The following GPR39 variants were observed in gnomAD, a reference collection of about 807,000 sequenced individuals.
The protein encoded by GPR39 is G protein-coupled receptor 39.
A neutral mutation model predicts 18.4 loss-of-function variants in GPR39; 23 were observed. The observed-to-expected ratio is 1.25, with a 90% CI of 0.90 to 1.77. GPR39 has a LOEUF of 1.77. GPR39 is among the 40% of genes most tolerant of loss of function. The pLI, the probability that GPR39 is intolerant of heterozygous loss-of-function variation, is 0.00. For synonymous variants in GPR39, 280 were observed against 257.9 expected, an observed-to-expected ratio of 1.09 and a Z score of -0.82; for missense variants, 647 against 602.4, an observed-to-expected ratio of 1.07 and a Z score of -0.78.
chr2:132,472,663 C>CG (rs1390189359), intron 1 of GPR39, among the ~76,000 whole-genome samples: 5 of 152,122 alleles, frequency 3.3e-5, no homozygotes, highest in African/African-American at 1.2e-4. Context: ...TGGTAGTGAC[C>CG]TGACCATGAA....
chr2:132,499,460 T>C (rs532603774), intron 1 of GPR39, among the ~76,000 whole-genome samples: 15 of 152,316 alleles, frequency 9.8e-5, no homozygotes, highest in African/African-American at 3.6e-4. Context: ...TATGGCCTTA[T>C]AGTGTGAAGT....
At chr2:132,487,635 G>A (rs1681367511) in intron 1 of GPR39, among the ~76,000 whole-genome samples, 1 of 152,078 alleles carries the variant, frequency 6.6e-6, no homozygotes, top group Admixed American at 6.5e-5. Flanking sequence ...AATTATAATA[G>A]TCAAAATTTA....
At position 132,645,765 on chromosome 2, in the gene GPR39, ACT is replaced by A. The variant is rs1374726645; in HGVS notation, c.*162_*163del. On this transcript the variant is annotated 3_prime_UTR_variant, in exon 2 of 2. Coordinates refer to ENST00000329321, the MANE Select transcript of GPR39 (RefSeq NM_001508.3). ...CCACCTCAGTGACTTCTAAGGACTG[ACT>A]CTGCCAGCCTGGCCTTGACTCCGGT... is the stretch of plus-strand genomic sequence containing the variant. 1.3e-5 allele frequency: 14 copies of A among 1,052,762 alleles called. No individual in the cohort carries two copies. The Admixed American group carries it at 1.5e-4, about 11-fold the overall frequency. The allele number at this position is 1,052,762 out of a possible 1,614,324, so 65.2% of individuals were successfully genotyped here. A position where few individuals can be genotyped will look rare whatever the true frequency, so the allele number is the denominator to read the frequency against.
At chr2:132,622,970 G>T (rs763012409) in intron 1 of GPR39, among the ~76,000 whole-genome samples, 10 of 152,130 alleles carry the variant, frequency 6.6e-5, no homozygotes, top group Non-Finnish European at 1.5e-4. Context: ...AAAGTAGCCG[G>T]GTGTGGTGGC....
chr2:132,480,619 C>G (rs536422389), intron 1 of GPR39, among the ~76,000 whole-genome samples: 1 of 152,222 alleles, frequency 6.6e-6, no homozygotes, highest in African/African-American at 2.4e-5. Flanking sequence ...CTGCAGGAAA[C>G]TCGATTGAAG....
At position 132,416,812 on chromosome 2, in the gene GPR39, C is replaced by G. The variant is rs1679908541; in HGVS notation, c.-231C>G. On this transcript the variant is annotated 5_prime_UTR_variant, in exon 1 of 2. Transcript: ENST00000329321. ...CCCCGCCTCGCCCCAGCCACATACACTCCCAAACCTCAACACCCAGGCGCC... is the reference window on the plus strand; with the variant it reads ...CCCCGCCTCGCCCCAGCCACATACAGTCCCAAACCTCAACACCCAGGCGCC... 1.6e-6 allele frequency: 1 copy of G among 607,306 alleles called. No homozygotes were observed. Among genetic ancestry groups the G allele is most frequent in the Non-Finnish European group, 2.9e-6 (1 of 344,920 alleles). The allele number at this position is 607,306 out of a possible 1,614,324, so 37.6% of individuals were successfully genotyped here.
In GPR39 at chr2:132,645,780, C is replaced by A. The variant is rs1384883759; in HGVS notation, c.*174C>A. On this transcript the variant is annotated 3_prime_UTR_variant, in exon 2 of 2. Transcript: ENST00000329321. Reference sequence around the variant, plus strand: ...CTAAGGACTGACTCTGCCAGCCTGGCCTTGACTCCGGTTACACAGACATGG... The same window carrying A: ...CTAAGGACTGACTCTGCCAGCCTGGACTTGACTCCGGTTACACAGACATGG... 15 of 920,632 alleles carry A rather than the reference C, an allele frequency of 1.6e-5. No homozygotes were observed. In the Admixed American group the frequency reaches 3.9e-4, roughly 24 times the overall value. 57.0% of individuals were successfully genotyped at this position (920,632 alleles called of 1,614,324 possible).
chr2:132,428,533 C>G (rs1203412848), intron 1 of GPR39, among the ~76,000 whole-genome samples: 2 of 152,144 alleles, frequency 1.3e-5, no homozygotes, highest in East Asian at 1.9e-4. Context: ...TTGTTAGTCT[C>G]GATATTCACA....
intron 1 of GPR39, among the ~76,000 whole-genome samples, chr2:132,525,014 T>C (rs1679484437): frequency 6.6e-6 from 1 of 152,208 alleles, no homozygotes; most frequent in South Asian, 2.1e-4. Context: ...CCTACATTTG[T>C]CTGTGTGGGA....
At position 132,645,672 on chromosome 2, in the gene GPR39, CTGCAGTCTCAAACTA is replaced by C. The variant is rs879169654; in HGVS notation, c.*70_*84del. The C allele has an allele frequency of 1.4e-5, 22 of 1,546,236 alleles. No individual in the cohort carries two copies. In the South Asian group the frequency reaches 2.1e-4, roughly 15 times the overall value. ...GCCCTAAGAAAACGTCACTCTCACT[CTGCAGTCTCAAACTA>C]TGCCCCCATCAGGGATGGAATGGAC... is the stretch of plus-strand genomic sequence containing the variant. On this transcript the variant is annotated 3_prime_UTR_variant, in exon 2 of 2. Coordinates refer to ENST00000329321, the MANE Select transcript of GPR39 (RefSeq NM_001508.3).
intron 1 of GPR39, among the ~76,000 whole-genome samples, chr2:132,509,581 A>G (rs1343471029): frequency 6.6e-6 from 1 of 152,204 alleles, no homozygotes; most frequent in Non-Finnish European, 1.5e-5. Context: ...TCCTCAAAAA[A>G]TTTTTAAAAC....
intron 1 of GPR39, among the ~76,000 whole-genome samples, chr2:132,548,392 G>T (rs1187245400): frequency 6.6e-6 from 1 of 152,142 alleles, no homozygotes; most frequent in African/African-American, 2.4e-5. Context: ...AATGCTATTT[G>T]CTCCCAGCAC....
intron 1 of GPR39, among the ~76,000 whole-genome samples, chr2:132,473,926 A>G (rs921786480): frequency 1.3e-5 from 2 of 152,318 alleles, no homozygotes; most frequent in East Asian, 3.9e-4. Flanking sequence ...CTCCACAGTC[A>G]GGGAAGAAAC....
chr2:132,574,090 T>G (rs951858816), intron 1 of GPR39, among the ~76,000 whole-genome samples: 5 of 152,272 alleles, frequency 3.3e-5, no homozygotes, highest in Non-Finnish European at 7.3e-5. Flanking sequence ...CATAAATGTC[T>G]GTATAATTCA....
At chr2:132,541,994 G>A (rs1298785110) in intron 1 of GPR39, among the ~76,000 whole-genome samples, 1 of 152,146 alleles carries the variant, frequency 6.6e-6, no homozygotes, top group Non-Finnish European at 1.5e-5. Context: ...GGTGGTGGAG[G>A]GGGCAAGGTA....
chr2:132,456,707 G>T (rs1314820026), intron 1 of GPR39, among the ~76,000 whole-genome samples: 1 of 152,154 alleles, frequency 6.6e-6, no homozygotes, highest in Non-Finnish European at 1.5e-5. Flanking sequence ...TTGCTTGTCT[G>T]TAAAGGATTT....
At chr2:132,527,453 C>T (rs1161487687) in intron 1 of GPR39, among the ~76,000 whole-genome samples, 1 of 152,190 alleles carries the variant, frequency 6.6e-6, no homozygotes, top group Non-Finnish European at 1.5e-5. Flanking sequence ...TGGGTATATA[C>T]CCAGTAATGG....
intron 1 of GPR39, among the ~76,000 whole-genome samples, chr2:132,609,661 A>G (rs183821424): frequency 8.0e-4 from 122 of 152,258 alleles, no homozygotes; most frequent in African/African-American, 2.8e-3. Context: ...ATCCTTCCTC[A>G]TACTGGGGCA....
intron 1 of GPR39, among the ~76,000 whole-genome samples, chr2:132,578,587 T>TA (rs1241630927): frequency 4.6e-5 from 7 of 152,138 alleles, no homozygotes. Context: ...TTATCTTGGA[T>TA]GAGTAGTGGT....
Sources: gnomAD v4.1 joint callset for allele counts (sites outside exome capture counted in the v4.1 genomes callset) on GRCh38, gnomAD v4.1.1 for gene constraint, MANE v1.5 for transcripts, NCBI Gene and HGNC (gene_info 2026-07-23, HGNC 2026-07-21) for gene names.